ARHGAP28: variants seen among roughly 807,000 people sequenced by gnomAD.
The protein encoded by ARHGAP28 is Rho GTPase activating protein 28.
In ARHGAP28, 56 loss-of-function variants were observed where a neutral mutation model predicts 90.7. That is an observed-to-expected ratio of 0.62 (90% CI 0.50 to 0.77). ARHGAP28 has a LOEUF of 0.77. ARHGAP28 is among the 30% of genes least tolerant of loss of function. The pLI is 0.00. For synonymous variants in ARHGAP28, 308 were observed against 323.3 expected (o/e 0.95, Z 0.51); for missense variants, 869 against 900.9 (o/e 0.96, Z 0.45).
intron 10 of ARHGAP28, among the ~76,000 whole-genome samples, chr18:6,881,823 G>A (rs2057180393): frequency 6.6e-6 from 1 of 152,206 alleles, no homozygotes; most frequent in African/African-American, 2.4e-5. Flanking sequence ...TATTTATCAT[G>A]TGGGAATAGT....
At chr18:6,794,138 A>G (rs972501771) in intron 1 of ARHGAP28, among the ~76,000 whole-genome samples, 1 of 152,212 alleles carries the variant, frequency 6.6e-6, no homozygotes, top group African/African-American at 2.4e-5. Flanking sequence ...AATAGCTGCC[A>G]CATTTGTTCT....
At chr18:6,732,852 C>T (rs2055894390) in intron 1 of ARHGAP28, among the ~76,000 whole-genome samples, 1 of 152,116 alleles carries the variant, frequency 6.6e-6, no homozygotes, top group African/African-American at 2.4e-5. Context: ...GATATATTAG[C>T]TGTATCCCTA....
intron 1 of ARHGAP28, among the ~76,000 whole-genome samples, chr18:6,823,224 C>T (rs1047169283): frequency 1.3e-4 from 20 of 152,206 alleles, no homozygotes; most frequent in Admixed American, 9.2e-4. Flanking sequence ...CTGCCCCATC[C>T]CACTCCTATC....
intron 1 of ARHGAP28, among the ~76,000 whole-genome samples, chr18:6,735,555 GTTTT>G (rs35656127): frequency 2.9e-5 from 4 of 135,830 alleles, no homozygotes; most frequent in Admixed American, 7.4e-5. Flanking sequence ...AGGTTATGCT[GTTTT>G]TTTTTTTTTT....
intron 2 of ARHGAP28, among the ~76,000 whole-genome samples, chr18:6,836,473 T>TA (rs1263981674): frequency 6.6e-6 from 1 of 152,046 alleles, no homozygotes; most frequent in Non-Finnish European, 1.5e-5. Flanking sequence ...CACTGCACCT[T>TA]ATCTGTGCAG....
intron 3 of ARHGAP28, among the ~76,000 whole-genome samples, chr18:6,845,038 T>G (rs2143166786): frequency 6.6e-6 from 1 of 152,322 alleles, no homozygotes; most frequent in Non-Finnish European, 1.5e-5. Context: ...TATCCTTTAG[T>G]ATTAATTTAA....
chr18:6,747,664 G>A (rs2056034393), intron 1 of ARHGAP28, among the ~76,000 whole-genome samples: 1 of 152,180 alleles, frequency 6.6e-6, no homozygotes, highest in South Asian at 2.1e-4. Context: ...CTCTTGAAGA[G>A]TTCATGCTTC....
In ARHGAP28 at chr18:6,824,744, A is replaced by C; in HGVS notation, c.123-18A>C. 3 of 1,524,410 alleles carry C rather than the reference A, an allele frequency of 2.0e-6. No individual in the cohort carries two copies. Among genetic ancestry groups the C allele is most frequent in the Non-Finnish European group, 2.6e-6 (3 of 1,142,108 alleles). The allele number at this position is 1,524,410 out of a possible 1,614,324, so 94.4% of individuals were successfully genotyped here. A position where few individuals can be genotyped will look rare whatever the true frequency, so the allele number is the denominator to read the frequency against. On this transcript the variant is annotated intron_variant, in intron 1 of 17. Transcript: ENST00000383472. The stretch of plus-strand genomic sequence containing the variant: ...AAATATAACCCGTTTTTATTCATAG[A>C]TATTATTCTTTCCTCAGAAAATCCA...
At chr18:6,911,136 C>T (rs932555525) in intron 17 of ARHGAP28, among the ~76,000 whole-genome samples, 2 of 152,100 alleles carry the variant, frequency 1.3e-5, no homozygotes, top group African/African-American at 4.8e-5. Context: ...GCTCGGCCAG[C>T]TCTTGGTAGT....
At position 6,898,915 on chromosome 18, in the gene ARHGAP28, A is replaced by T. The variant is rs1359410762; in HGVS notation, c.2030+2289A>T. On this transcript the variant is annotated intron_variant, in intron 16 of 17. Transcript: ENST00000383472. ...GGGGGAAGAGGGTGAGGGATAAAAGACTATAAATTGGGTTCAGTGTATACT... is the reference window on the plus strand; with the variant it reads ...GGGGGAAGAGGGTGAGGGATAAAAGTCTATAAATTGGGTTCAGTGTATACT... 2.0e-3 allele frequency among the ~76,000 whole-genome samples: 312 copies of T among 152,246 alleles called. 1 individual carries two copies. The highest frequency in any genetic ancestry group is 7.1e-3 in the African/African-American group (297 of 41,550).
At position 6,859,855 on chromosome 18, in the gene ARHGAP28, G is replaced by A. The variant is rs1307072333; in HGVS notation, c.684G>A (p.Gln228=). ...GTACTACCCTGTCTGACGCATCCCA[G>A]GATAAAGAAGGGAGTTTTGCGGTTC... ...LNSTTLSDAS[Q]DKEGSFAVPR... Residue 228 remains glutamine, a synonymous_variant, in exon 5 of 18, where the codon CAG becomes CAA. Transcript: ENST00000383472. 1 of 1,614,182 alleles carries A rather than the reference G, an allele frequency of 6.2e-7. No homozygotes were observed. Among genetic ancestry groups the A allele is most frequent in the Admixed American group, 1.7e-5 (1 of 60,028 alleles).
chr18:6,786,178 T>G (rs941159516), intron 1 of ARHGAP28, among the ~76,000 whole-genome samples: 3 of 152,200 alleles, frequency 2.0e-5, no homozygotes, highest in Non-Finnish European at 4.4e-5. Flanking sequence ...CCAGAGTTAT[T>G]CATTTGTACA....
chr18:6,912,446 A>G lies in ARHGAP28; in HGVS notation c.*292A>G, dbSNP rs1373838785. The G allele has an allele frequency of 6.2e-5, 12 of 192,270 alleles. No homozygotes were observed. Among genetic ancestry groups the G allele is most frequent in the Non-Finnish European group, 1.2e-4 (11 of 93,788 alleles). The allele number at this position is 192,270 out of a possible 1,614,324, so 11.9% of individuals were successfully genotyped here. On this transcript the variant is annotated 3_prime_UTR_variant, in exon 18 of 18. Transcript: ENST00000383472. The stretch of plus-strand genomic sequence containing the variant: ...AACTCTAATCACTTCTAGTATTTCA[A>G]CTTCCTAGCAGAAATGAACTTGGCC...
At chr18:6,885,410 C>A (rs1027503784) in intron 11 of ARHGAP28, among the ~76,000 whole-genome samples, 10 of 152,106 alleles carry the variant, frequency 6.6e-5, no homozygotes, top group African/African-American at 2.4e-4. Context: ...CCTCTCAATA[C>A]CCTCAAATGG....
Position 6,899,424 on chromosome 18 carries a change from C to T in ARHGAP28, c.2030+2798C>T, listed in dbSNP as rs555104521. 1.3e-4 allele frequency among the ~76,000 whole-genome samples: 20 copies of T among 152,216 alleles called. No individual in the cohort carries two copies. In the South Asian group the frequency reaches 2.5e-3, roughly 19 times the overall value. Reference sequence around the variant, plus strand: ...CTTCCAACCTGCAACTGACAACAGGCACAGATGAAAAAGAGCTCTAAGGAA... The same window carrying T: ...CTTCCAACCTGCAACTGACAACAGGTACAGATGAAAAAGAGCTCTAAGGAA... On this transcript the variant is annotated intron_variant, in intron 16 of 17. Transcript: ENST00000383472.
At chr18:6,900,103 A>G (rs2057330605) in intron 16 of ARHGAP28, among the ~76,000 whole-genome samples, 1 of 152,192 alleles carries the variant, frequency 6.6e-6, no homozygotes, top group African/African-American at 2.4e-5. Flanking sequence ...ACAATGAGGC[A>G]GAGCCAGTTG....
intron 1 of ARHGAP28, among the ~76,000 whole-genome samples, chr18:6,806,032 A>T (rs2056516682): frequency 6.6e-6 from 1 of 151,564 alleles, no homozygotes; most frequent in Admixed American, 6.6e-5. Flanking sequence ...CTACAGGCAC[A>T]CGCCACCAGG....
intron 1 of ARHGAP28, among the ~76,000 whole-genome samples, chr18:6,777,083 T>G (rs2056289794): frequency 1.3e-5 from 2 of 152,194 alleles, no homozygotes. Context: ...ACATGACTCT[T>G]GCAAGGGTAT....
chr18:6,736,286 C>T (rs1430206655), intron 1 of ARHGAP28, among the ~76,000 whole-genome samples: 2 of 151,660 alleles, frequency 1.3e-5, no homozygotes, highest in African/African-American at 4.8e-5. Flanking sequence ...TAGTCATCAA[C>T]AGTCATTTAA....
Sources: gnomAD v4.1 joint callset for allele counts (sites outside exome capture counted in the v4.1 genomes callset) on GRCh38, gnomAD v4.1.1 for gene constraint, MANE v1.5 for transcripts, NCBI Gene and HGNC (gene_info 2026-07-23, HGNC 2026-07-21) for gene names.